The following NEDD4 variants were observed in gnomAD, a reference collection of about 807,000 sequenced individuals.
The protein encoded by NEDD4 is NEDD4 E3 ubiquitin protein ligase.
A neutral mutation model predicts 144.9 loss-of-function variants in NEDD4; 99 were observed. That is an observed-to-expected ratio of 0.68 (90% CI 0.58 to 0.81). NEDD4 has a LOEUF of 0.81. Ranked by LOEUF, NEDD4 falls within the 30% of genes least tolerant of loss-of-function variation. NEDD4 has a pLI of 0.00. For synonymous variants in NEDD4, 318 were observed against 350.6 expected (o/e 0.91, Z 1.04); for missense variants, 985 against 1,065.9 (o/e 0.92, Z 1.06).
intron 1 of NEDD4, among the ~76,000 whole-genome samples, chr15:55,976,627 ATT>A (rs1229977936): frequency 1.1e-4 from 13 of 120,880 alleles, no homozygotes; most frequent in Admixed American, 1.7e-4. Flanking sequence ...CTGGGCAAAA[ATT>A]TTTTTTTTTT....
intron 1 of NEDD4, among the ~76,000 whole-genome samples, chr15:55,983,032 G>A (rs376094634): frequency 2.6e-5 from 4 of 152,024 alleles, no homozygotes; most frequent in South Asian, 2.1e-4. Flanking sequence ...TGAGGGAGGA[G>A]AATCACTTGA....
At chr15:55,860,273 G>C in intron 11 of NEDD4, 134 bp downstream of exon 11, 2 of 840,954 alleles carry the variant, frequency 2.4e-6, no homozygotes, top group Non-Finnish European at 3.6e-6. Flanking sequence ...ATGTTGTAAA[G>C]TCCCAAGGTC....
At chr15:55,837,983 T>C (rs979479140) in intron 23 of NEDD4, 124 bp downstream of exon 23, 32 of 890,540 alleles carry the variant, frequency 3.6e-5, no homozygotes, top group Middle Eastern at 2.4e-4. Flanking sequence ...TGCTACTGCA[T>C]TGTGATAGAG....
intron 3 of NEDD4, 44 bp from the exon 4 acceptor site, chr15:55,951,458 TATAAA>T (rs2037236931): frequency 7.3e-7 from 1 of 1,373,628 alleles, no homozygotes; most frequent in Admixed American, 2.7e-5. Flanking sequence ...GGTTTTGTCT[TATAAA>T]AATAAAACAA....
At chr15:55,949,998 A>G (rs1238333042) in intron 4 of NEDD4, among the ~76,000 whole-genome samples, 2 of 152,146 alleles carry the variant, frequency 1.3e-5, no homozygotes, top group Non-Finnish European at 2.9e-5. Context: ...ATGTAACAAA[A>G]TAAGTAAAAT....
At chr15:55,876,496 A>C (rs1260797776) in intron 5 of NEDD4, among the ~76,000 whole-genome samples, 19 of 152,198 alleles carry the variant, frequency 1.2e-4, no homozygotes, top group African/African-American at 4.6e-4. Flanking sequence ...AGGTGGAATA[A>C]TCAAATCTAT....
intron 1 of NEDD4, among the ~76,000 whole-genome samples, chr15:55,968,262 A>T (rs2037550086): frequency 1.3e-5 from 2 of 152,132 alleles, no homozygotes; most frequent in African/African-American, 4.8e-5. Context: ...CATAAAACCA[A>T]ATTCCAGATA....
intron 5 of NEDD4, among the ~76,000 whole-genome samples, chr15:55,876,888 A>G (rs2035013747): frequency 6.7e-6 from 1 of 150,312 alleles, no homozygotes; most frequent in Non-Finnish European, 1.5e-5. Flanking sequence ...TTTTTTTTAA[A>G]GAGATGGAGT....
intron 13 of NEDD4, among the ~76,000 whole-genome samples, chr15:55,851,450 G>A (rs2033976386): frequency 6.6e-6 from 1 of 151,396 alleles, no homozygotes; most frequent in Non-Finnish European, 1.5e-5. Context: ...AGAAACACAG[G>A]CATATAAACA....
intron 9 of NEDD4, 47 bp from the exon 10 acceptor site, chr15:55,860,825 A>C (rs1455859643): frequency 2.0e-6 from 3 of 1,499,168 alleles, no homozygotes; most frequent in Non-Finnish European, 2.8e-6. Context: ...TAAGTAGTTA[A>C]AATGATTGTC....
chr15:55,855,347 A>G (rs1422172546), intron 12 of NEDD4, among the ~76,000 whole-genome samples: 6 of 152,194 alleles, frequency 3.9e-5, no homozygotes, highest in African/African-American at 1.4e-4. Context: ...AATGGAATGC[A>G]CACAGACTCA....
intron 1 of NEDD4, among the ~76,000 whole-genome samples, chr15:55,982,729 A>G (rs2140447639): frequency 6.6e-6 from 1 of 152,218 alleles, no homozygotes; most frequent in African/African-American, 2.4e-5. Flanking sequence ...TGTAAATTTC[A>G]CTCTTCCCCA....
At position 55,840,026 on chromosome 15, in the gene NEDD4, AT is replaced by A. The variant is rs1566901236; in HGVS notation, c.2031+420del. ...TATATATATATATATATATATATAT[AT>A]ATATATATATATATAACATTCATCA... On this transcript the variant is annotated intron_variant, in intron 21 of 28. Transcript: ENST00000435532. 3.0e-4 allele frequency among the ~76,000 whole-genome samples: 25 copies of A among 82,046 alleles called. 1 individual carries two copies. Among genetic ancestry groups the A allele is most frequent in the Admixed American group, 5.6e-4 (4 of 7,094 alleles). The allele number at this position is 82,046 out of a possible 152,430, so 53.8% of individuals were successfully genotyped here.
At chr15:55,883,849 C>T (rs2035290714) in intron 5 of NEDD4, among the ~76,000 whole-genome samples, 1 of 150,572 alleles carries the variant, frequency 6.6e-6, no homozygotes, top group Non-Finnish European at 1.5e-5. Flanking sequence ...AGAATTCTTC[C>T]AGATGTCATC....
intron 1 of NEDD4, among the ~76,000 whole-genome samples, chr15:55,971,094 A>C (rs183191611): frequency 1.3e-5 from 2 of 152,152 alleles, no homozygotes; most frequent in East Asian, 3.9e-4. Context: ...GAGATTAAAA[A>C]CCTCTTTGAT....
At chr15:55,894,477 G>A (rs1470333278) in intron 5 of NEDD4, among the ~76,000 whole-genome samples, 1 of 152,124 alleles carries the variant, frequency 6.6e-6, no homozygotes, top group African/African-American at 2.4e-5. Context: ...AGAGACACCG[G>A]TACTTGGTTC....
rs369359614 is a variant in NEDD4 at position 55,841,933 on chromosome 15, C to T, written c.1838+1G>A. The stretch of plus-strand genomic sequence containing the variant: ...CCGATAATCATTGTAAAGGTACTTA[C>T]GTAGCAGAATATTCAAACAACCCAT... On this transcript the variant is annotated splice_donor_variant, in intron 19 of 28. Transcript: ENST00000435532. LOFTEE classifies it high-confidence loss of function. The T allele has an allele frequency of 5.0e-5, 81 of 1,605,364 alleles. No homozygotes were observed. The highest frequency in any genetic ancestry group is 6.5e-5 in the Non-Finnish European group (76 of 1,172,192).
Position 55,943,904 on chromosome 15 carries a change from G to C in NEDD4, c.237+7472C>G, listed in dbSNP as rs566848851. Among the ~76,000 whole-genome samples the C allele has an allele frequency of 2.6e-5, 4 of 152,364 alleles. No individual in the cohort carries two copies. In the South Asian group the frequency reaches 6.2e-4, roughly 24 times the overall value. Reference sequence around the variant, plus strand: ...AGCTGAAGGGATTGTACCTTGCAGAGACACAGGGGTGGAGACACCCAAGGC... The same window carrying C: ...AGCTGAAGGGATTGTACCTTGCAGACACACAGGGGTGGAGACACCCAAGGC... On this transcript the variant is annotated intron_variant, in intron 4 of 28. Coordinates refer to ENST00000435532, the MANE Select transcript of NEDD4 (RefSeq NM_006154.4).
At chr15:55,922,553 G>C (rs1446888901) in intron 5 of NEDD4, among the ~76,000 whole-genome samples, 1 of 152,106 alleles carries the variant, frequency 6.6e-6, no homozygotes, top group African/African-American at 2.4e-5. Flanking sequence ...ATTACAGACA[G>C]AGTTTCACCA....
Sources: gnomAD v4.1 joint callset for allele counts (sites outside exome capture counted in the v4.1 genomes callset) on GRCh38, gnomAD v4.1.1 for gene constraint, MANE v1.5 for transcripts, NCBI Gene and HGNC (gene_info 2026-07-23, HGNC 2026-07-21) for gene names.